STON1: variants seen among roughly 807,000 people sequenced by gnomAD.
The protein encoded by STON1 is stonin-1.
STON1 carries 79 observed loss-of-function variants against 60.9 expected under a neutral mutation model. That is an observed-to-expected ratio of 1.30 (90% confidence interval 1.08 to 1.56). The LOEUF is 1.56. STON1 is among the 40% of genes most tolerant of loss of function. The probability of loss-of-function intolerance (pLI) is 0.00; values close to 1 mark genes in which losing one functional copy is unlikely to be tolerated. For synonymous variants in STON1, 363 were observed against 306.9 expected (o/e 1.18, Z -1.91); for missense variants, 1,166 against 858.9 (o/e 1.36, Z -4.47).
chr2:48,547,405 T>G (rs543558557), intron 1 of STON1, among the ~76,000 whole-genome samples: 69 of 152,310 alleles, frequency 4.5e-4, no homozygotes, highest in African/African-American at 1.3e-3. Flanking sequence ...GACCAAGAGA[T>G]GGACCAGAGT....
At chr2:48,583,037 T>C (rs1239613548) in intron 2 of STON1, among the ~76,000 whole-genome samples, 1 of 152,252 alleles carries the variant, frequency 6.6e-6, no homozygotes, top group Non-Finnish European at 1.5e-5. Flanking sequence ...GCTTTCATTT[T>C]TACCCAAATT....
chr2:48,580,454 G>GTT, intron 1 of STON1, 133 bp from the exon 2 acceptor site: 9 of 862,474 alleles, frequency 1.0e-5, no homozygotes, highest in African/African-American at 3.6e-5. Context: ...GTTGGATCAT[G>GTT]TTTTTTTTTT....
Position 48,581,669 on chromosome 2 carries a change from A to T in STON1, c.1036A>T (p.Thr346Ser). The T allele has an allele frequency of 6.2e-7, 1 of 1,613,654 alleles. No individual in the cohort carries two copies. Among genetic ancestry groups the T allele is most frequent in the South Asian group, 1.1e-5 (1 of 90,988 alleles). ...ENFSVAGKIH[T>S]VKIEHVSYTE... ...CTTCAGTGTAGCAGGAAAAATCCAC[A>T]CTGTGAAGATTGAACATGTGTCTTA... Residue 346 changes from threonine (T) to serine (S), a missense_variant, in exon 2 of 4, where the codon ACT becomes TCT. Transcript: ENST00000404752.
At chr2:48,593,955 G>C (rs567061302) in intron 3 of STON1, among the ~76,000 whole-genome samples, 5 of 152,262 alleles carry the variant, frequency 3.3e-5, no homozygotes, top group African/African-American at 1.2e-4. Flanking sequence ...CCTTTCCTGA[G>C]GTCATGCCTC....
chr2:48,564,486 CTTCTT>C (rs1672794211), intron 1 of STON1, among the ~76,000 whole-genome samples: 11 of 24,680 alleles, frequency 4.5e-4, no homozygotes, highest in Admixed American at 1.5e-3. Flanking sequence ...CTTCTTTCTT[CTTCTT>C]CTTCTTCTTC....
chr2:48,584,782 G>A (rs1283249544), intron 2 of STON1, among the ~76,000 whole-genome samples: 1 of 152,154 alleles, frequency 6.6e-6, no homozygotes, highest in African/African-American at 2.4e-5. Context: ...AGAAGAACAA[G>A]CCCCAGACTA....
chr2:48,598,194 A>T lies in STON1; in HGVS notation c.*2892A>T, dbSNP rs1036655417. On this transcript the variant is annotated 3_prime_UTR_variant, in exon 4 of 4. Transcript: ENST00000404752. ...TTTTCTGTGGGAATCACAAGAGTTT[A>T]TCCACTAAAAAAAGATATGTAAAAA... The T allele has an allele frequency of 2.0e-5, 3 of 152,218 alleles. No homozygotes were observed. Among genetic ancestry groups the T allele is most frequent in the African/African-American group, 7.2e-5 (3 of 41,462 alleles). The allele number at this position is 152,218 out of a possible 1,614,324, so 9.4% of individuals were successfully genotyped here.
At chr2:48,536,780 TC>T (rs1247190254) in intron 1 of STON1, among the ~76,000 whole-genome samples, 1 of 152,152 alleles carries the variant, frequency 6.6e-6, no homozygotes, top group Non-Finnish European at 1.5e-5. Context: ...TGCTGGCTTT[TC>T]CTATCTTCTC....
chr2:48,581,023 T>A lies in STON1; in HGVS notation c.390T>A (p.Cys130Ter). The A allele has an allele frequency of 6.4e-7, 1 of 1,572,450 alleles. No individual in the cohort carries two copies. The highest frequency in any genetic ancestry group is 8.6e-7 in the Non-Finnish European group (1 of 1,163,352). ...ESSLLPTRPT[C>*]LSHALLPSDH... is the part of the protein sequence containing the mutation. The stretch of plus-strand genomic sequence containing the variant: ...CCTTACTGCCTACCAGACCAACATG[T>A]TTATCCCATGCCTTGTTACCCAGTG... Residue 130 changes from cysteine (C) to a stop codon, truncating the protein, a stop_gained, in exon 2 of 4, where the codon TGT becomes TGA. Coordinates refer to ENST00000404752, the MANE Select transcript of STON1 (RefSeq NM_006873.4). LOFTEE classifies it high-confidence loss of function.
rs187236608 is a variant in STON1, at chr2:48,590,930, T to A, written c.1931-723T>A. On this transcript the variant is annotated intron_variant, in intron 2 of 3. Transcript: ENST00000404752. ...CTTGGCCTGGAACATTTTCTGAAAG[T>A]TAAGTTTAACTTTTAAAAATCAGAA... 9.1e-3 allele frequency among the ~76,000 whole-genome samples: 1,386 copies of A among 152,296 alleles called. 11 individuals are homozygous for A. Among genetic ancestry groups the A allele is most frequent in the Non-Finnish European group, 0.016 (1,071 of 68,022 alleles).
chr2:48,561,747 A>G (rs1311679389), intron 1 of STON1, among the ~76,000 whole-genome samples: 1 of 152,194 alleles, frequency 6.6e-6, no homozygotes, highest in Non-Finnish European at 1.5e-5. Context: ...CCTGTTTGAG[A>G]CCCATTGGTA....
rs74670882 is a variant in STON1 at position 48,584,762 on chromosome 2, T to C, written c.1930+2199T>C. 9.4e-3 allele frequency among the ~76,000 whole-genome samples: 1,425 copies of C among 152,206 alleles called. 22 individuals carry two copies. Among genetic ancestry groups the C allele is most frequent in the African/African-American group, 0.032 (1,330 of 41,498 alleles). On this transcript the variant is annotated intron_variant, in intron 2 of 3. Coordinates refer to ENST00000404752, the MANE Select transcript of STON1 (RefSeq NM_006873.4). ...ACACTGCTCTCCAGGTGTTGTAAAG[T>C]TGTAGAACCAGAAGAACAAGCCCCA...
At chr2:48,542,053 G>C (rs1281459606) in intron 1 of STON1, among the ~76,000 whole-genome samples, 1 of 152,188 alleles carries the variant, frequency 6.6e-6, no homozygotes, top group Non-Finnish European at 1.5e-5. Context: ...ATGTGGAAAA[G>C]TTCCTGTTGT....
chr2:48,586,362 C>T (rs1419143786), intron 2 of STON1, among the ~76,000 whole-genome samples: 1 of 152,218 alleles, frequency 6.6e-6, no homozygotes, highest in African/African-American at 2.4e-5. Context: ...ATGATTCCTA[C>T]TCTACCAGAA....
At chr2:48,562,876 G>C (rs1419383319) in intron 1 of STON1, among the ~76,000 whole-genome samples, 7 of 152,180 alleles carry the variant, frequency 4.6e-5, no homozygotes, top group Admixed American at 1.3e-4. Flanking sequence ...CCCCATTAAG[G>C]GAGCTTCCTC....
intron 1 of STON1, among the ~76,000 whole-genome samples, chr2:48,547,942 G>A (rs766934011): frequency 6.6e-6 from 1 of 152,300 alleles, no homozygotes; most frequent in Non-Finnish European, 1.5e-5. Flanking sequence ...GGCTAGATGC[G>A]TTTTAAAGTT....
chr2:48,562,570 G>T (rs79886465), intron 1 of STON1, among the ~76,000 whole-genome samples: 2 of 152,122 alleles, frequency 1.3e-5, no homozygotes, highest in Non-Finnish European at 2.9e-5. Flanking sequence ...GAGGCCAAAA[G>T]ATACGAAGCA....
intron 1 of STON1, among the ~76,000 whole-genome samples, chr2:48,536,743 A>T (rs1438122659): frequency 6.6e-6 from 1 of 152,170 alleles, no homozygotes; most frequent in African/African-American, 2.4e-5. Context: ...TTGAAATTGC[A>T]TTCAATTAAT....
chr2:48,559,553 T>TA (rs1672523588), intron 1 of STON1, among the ~76,000 whole-genome samples: 1 of 152,202 alleles, frequency 6.6e-6, no homozygotes, highest in South Asian at 2.1e-4. Flanking sequence ...AGTTTCAGCA[T>TA]ATGAATTTTG....
Sources: allele counts gnomAD v4.1 joint callset (sites outside exome capture counted in the v4.1 genomes callset), GRCh38; gene constraint gnomAD v4.1.1; transcripts MANE v1.5; gene names NCBI Gene and HGNC (gene_info 2026-07-23, HGNC 2026-07-21).